The following EXD3 variants were observed in gnomAD, a reference collection of about 807,000 sequenced individuals.
EXD3 encodes exonuclease mut-7 homolog.
A neutral mutation model predicts 98.0 loss-of-function variants in EXD3; 92 were observed. The ratio of observed to expected loss-of-function variants is 0.94; its 90% CI spans 0.79 to 1.12. EXD3 has a LOEUF of 1.12. Ranked by LOEUF, EXD3 falls within the 50% of genes most tolerant of loss-of-function variation. The pLI is 0.00. For synonymous variants in EXD3, 569 were observed against 526.0 expected (o/e 1.08, Z -1.12); for missense variants, 1,222 against 1,191.6 (o/e 1.03, Z -0.38).
rs181366363 is a variant in EXD3, at chr9:137,415,369, A to G, written c.-48+7745T>C. ...CAGGCATGCACAGCTAATTTTTGTA[A>G]TTTTAGTAGAGACAGGGTCTCTCCA... is the stretch of plus-strand genomic sequence containing the variant. On this transcript the variant is annotated intron_variant, in intron 1 of 21. Transcript: ENST00000340951. Among the ~76,000 whole-genome samples the G allele has an allele frequency of 2.6e-3, 393 of 151,504 alleles. 2 individuals carry two copies. Among genetic ancestry groups the G allele is most frequent in the African/African-American group, 9.4e-3 (386 of 41,216 alleles).
At chr9:137,330,602 GACTACACAGGACTACACAGGA>G (rs1833013383) in intron 17 of EXD3, among the ~76,000 whole-genome samples, 7 of 140,202 alleles carry the variant, frequency 5.0e-5, no homozygotes, top group Middle Eastern at 7.4e-3. Flanking sequence ...GACTACACAG[GACTACACAGGACTACACAGGA>G]ACTACACAGG....
intron 7 of EXD3, among the ~76,000 whole-genome samples, chr9:137,362,252 A>G (rs555609361): frequency 6.6e-6 from 1 of 152,332 alleles, no homozygotes; most frequent in Admixed American, 6.5e-5. Flanking sequence ...ACATGGATGC[A>G]AACATCCCTA....
At position 137,352,176 on chromosome 9, in the gene EXD3, C is replaced by A. The variant is rs1834341651; in HGVS notation, c.1063G>T (p.Glu355Ter). ...GRATEADSRLEVKDMKDRYYQ... is the reference protein window; with the variant it reads ...GRATEADSRL ...TAACGGTCCTTCATGTCCTTCACCTCCAGCCTCGAGTCAGCCTCAGTCGCC... is the reference window on the plus strand; with the variant it reads ...TAACGGTCCTTCATGTCCTTCACCTACAGCCTCGAGTCAGCCTCAGTCGCC... Residue 355 changes from glutamate to a stop codon, truncating the protein, a stop_gained, in exon 12 of 22, where the codon GAG (glutamate) becomes TAG (stop). Transcript: ENST00000340951. LOFTEE classifies it high-confidence loss of function. The A allele has an allele frequency of 1.2e-6, 2 of 1,612,656 alleles. No homozygotes were observed. The highest frequency in any genetic ancestry group is 1.3e-5 in the African/African-American group (1 of 74,938).
intron 19 of EXD3, among the ~76,000 whole-genome samples, chr9:137,309,978 C>G (rs1831277053): frequency 6.6e-6 from 1 of 152,244 alleles, no homozygotes; most frequent in Admixed American, 6.5e-5. Flanking sequence ...CCTCTCCAAT[C>G]CCAGAGCCCT....
At chr9:137,363,335 C>CTT (rs71387828) in intron 7 of EXD3, among the ~76,000 whole-genome samples, 31 of 81,170 alleles carry the variant, frequency 3.8e-4, no homozygotes, top group African/African-American at 1.4e-3. Flanking sequence ...GTGCAATTTC[C>CTT]TTTTTTTTTT....
At chr9:137,363,295 T>A (rs985585897) in intron 7 of EXD3, among the ~76,000 whole-genome samples, 28 of 151,478 alleles carry the variant, frequency 1.8e-4, no homozygotes, top group Admixed American at 2.6e-4. Context: ...TTTTTTTTTT[T>A]AATTCTCTAT....
In EXD3 at chr9:137,355,618, G is replaced by A. The variant is rs879208652; in HGVS notation, c.757+650C>T. On this transcript the variant is annotated intron_variant, in intron 8 of 21. Transcript: ENST00000340951. ...GGCGGAAGGAGAAAGGAGGAAGGAG[G>A]AAGGGAGGATGGAGGAAGGAGGAAG... Among the ~76,000 whole-genome samples, 87 of 28,370 alleles carry A rather than the reference G, an allele frequency of 3.1e-3. 3 individuals carry two copies. The highest frequency in any genetic ancestry group is 5.0e-3 in the East Asian group (4 of 798). 18.6% of individuals were successfully genotyped at this position (28,370 alleles called of 152,430 possible). A position where few individuals can be genotyped will look rare whatever the true frequency, so the allele number is the denominator to read the frequency against.
chr9:137,376,576 T>C (rs1835916286), intron 3 of EXD3, among the ~76,000 whole-genome samples: 1 of 151,854 alleles, frequency 6.6e-6, no homozygotes, highest in African/African-American at 2.4e-5. Flanking sequence ...CCAACTCAAC[T>C]TCCAGGTAGA....
chr9:137,336,058 G>A (rs1363493253), intron 17 of EXD3, among the ~76,000 whole-genome samples: 6 of 152,284 alleles, frequency 3.9e-5, no homozygotes, highest in Non-Finnish European at 7.4e-5. Flanking sequence ...AATACTGCAT[G>A]TTCTCACTTA....
In EXD3 at chr9:137,351,161, C is replaced by A. The variant is rs1315338433; in HGVS notation, c.1385-14G>T. 5.1e-6 allele frequency: 8 copies of A among 1,561,866 alleles called. No individual in the cohort carries two copies. The highest frequency in any genetic ancestry group is 6.9e-6 in the Non-Finnish European group (8 of 1,153,852). ...CCATCCCGTAGCCTGTGGGCAGGAA[C>A]CATCGTGGGAGGGGCGCCTGCAGGC... On this transcript the variant is annotated splice_polypyrimidine_tract_variant and intron_variant, in intron 13 of 21. Transcript: ENST00000340951.
intron 8 of EXD3, 108 bp from the exon 9 acceptor site, chr9:137,354,881 G>A (rs888570492): frequency 4.7e-5 from 51 of 1,089,190 alleles, no homozygotes; most frequent in African/African-American, 1.3e-4. Context: ...CCCCTTCACC[G>A]TCCTCCACCT....
chr9:137,359,653 A>AC lies in EXD3; in HGVS notation c.657-3286_657-3285insG, dbSNP rs1231926239. ...TCTATGGCCAGAGATTATTTGCCCG[A>AC]TTTTGAACTTGATGCAAATGGAATG... On this transcript the variant is annotated intron_variant, in intron 7 of 21. Coordinates refer to ENST00000340951, the MANE Select transcript of EXD3 (RefSeq NM_017820.5). Among the ~76,000 whole-genome samples, 14 of 85,690 alleles carry AC rather than the reference A, an allele frequency of 1.6e-4. 6 individuals carry two copies. The highest frequency in any genetic ancestry group is 4.0e-4 in the Non-Finnish European group (14 of 34,888). The allele number at this position is 85,690 out of a possible 152,430, so 56.2% of individuals were successfully genotyped here.
Position 137,308,854 on chromosome 9 carries a change from T to A in EXD3, c.2278+753A>T, listed in dbSNP as rs551928472. Among the ~76,000 whole-genome samples the A allele has an allele frequency of 2.1e-4, 32 of 152,232 alleles. No individual in the cohort carries two copies. In the South Asian group the frequency reaches 4.8e-3, roughly 23 times the overall value. Reference sequence around the variant, plus strand: ...GGTTTCACCATGTTAGCCACCACCATTGAGATGGTCTCAATCTCCTGATCT... The same window carrying A: ...GGTTTCACCATGTTAGCCACCACCAATGAGATGGTCTCAATCTCCTGATCT... On this transcript the variant is annotated intron_variant, in intron 20 of 21. Coordinates refer to ENST00000340951, the MANE Select transcript of EXD3 (RefSeq NM_017820.5).
At chr9:137,331,393 T>C (rs1328204994) in intron 17 of EXD3, among the ~76,000 whole-genome samples, 3 of 151,546 alleles carry the variant, frequency 2.0e-5, no homozygotes, top group Admixed American at 6.6e-5. Flanking sequence ...CCACCCAACA[T>C]AGTATTCAAA....
chr9:137,414,106 G>A (rs1413500117), intron 1 of EXD3, among the ~76,000 whole-genome samples: 2 of 151,918 alleles, frequency 1.3e-5, no homozygotes, highest in Middle Eastern at 3.2e-3. Context: ...TAGTAGAGAC[G>A]GGGTTTCACT....
At chr9:137,331,884 C>T in intron 17 of EXD3, among the ~76,000 whole-genome samples, 1 of 152,020 alleles carries the variant, frequency 6.6e-6, no homozygotes, top group Admixed American at 6.6e-5. Context: ...CCACTGCACT[C>T]CCGCCTGGGC....
chr9:137,318,063 A>G (rs760703329), intron 19 of EXD3, among the ~76,000 whole-genome samples: 7 of 152,072 alleles, frequency 4.6e-5, no homozygotes, highest in Non-Finnish European at 7.4e-5. Context: ...AAGGGTCTCC[A>G]GGCCCACGGC....
intron 1 of EXD3, among the ~76,000 whole-genome samples, chr9:137,417,348 A>T (rs1245812557): frequency 6.6e-6 from 1 of 151,242 alleles, no homozygotes; most frequent in African/African-American, 2.5e-5. Context: ...GCTGCCAGGA[A>T]GCGAGCGCGC....
At chr9:137,355,595 CGGAAGGAGAAA>C (rs1834674763) in intron 8 of EXD3, among the ~76,000 whole-genome samples, 1 of 3,968 alleles carries the variant, frequency 2.5e-4, no homozygotes. Flanking sequence ...GGAGAAAGGG[CGGAAGGAGAAA>C]GGAGGAAGGA....
Sources: allele counts gnomAD v4.1 joint callset (sites outside exome capture counted in the v4.1 genomes callset), GRCh38; gene constraint gnomAD v4.1.1; transcripts MANE v1.5; gene names NCBI Gene and HGNC (gene_info 2026-07-23, HGNC 2026-07-21).